The following COL4A6 variants were observed in gnomAD, a reference collection of about 807,000 sequenced individuals.
COL4A6 encodes collagen type IV alpha 6 chain, also known as collagen alpha-6(IV) chain.
COL4A6 carries 59 observed loss-of-function variants against 126.7 expected under a neutral mutation model. The ratio of observed to expected loss-of-function variants is 0.47; its 90% CI spans 0.38 to 0.58. The LOEUF is 0.58. COL4A6 is among the 20% of genes least tolerant of loss of function. The pLI, the probability that COL4A6 is intolerant of heterozygous loss-of-function variation, is 0.00. For missense variants in COL4A6, 1,285 were observed against 1,337.3 expected, an observed-to-expected ratio of 0.96 and a Z score of 0.61; for synonymous variants, 547 against 496.6, an observed-to-expected ratio of 1.10 and a Z score of -1.35.
At position 108,438,338 on chromosome X, in the gene COL4A6, A is replaced by C. The variant is rs2064312501; in HGVS notation, c.-142T>G. The stretch of plus-strand genomic sequence containing the variant: ...GGACGAAGTGGCCCAGTTTGGAAGA[A>C]ACTAAACACTGCTTCTAGATAAGAA... On this transcript the variant is annotated 5_prime_UTR_variant, in exon 1 of 45. Coordinates refer to ENST00000334504, the MANE Select transcript of COL4A6 (RefSeq NM_033641.4). 2.0e-5 allele frequency: 22 copies of C among 1,079,390 alleles called. No homozygotes were observed. Among genetic ancestry groups the C allele is most frequent in the Non-Finnish European group, 2.4e-5 (20 of 833,265 alleles). 89.0% of individuals were successfully genotyped at this position (1,079,390 alleles called of 1,213,427 possible).
rs771814133 is a variant in COL4A6 at position 108,206,511 on chromosome X, A to G, written c.609+7T>C. 1.7e-5 allele frequency: 21 copies of G among 1,206,801 alleles called. No homozygotes were observed. The Middle Eastern group carries it at 9.2e-4, about 53-fold the overall frequency. ...GTGATCACAAACTAGGCTTAAATTGATCTTACTTGTAATCCTGGTGGTCCT... is the reference window on the plus strand; with the variant it reads ...GTGATCACAAACTAGGCTTAAATTGGTCTTACTTGTAATCCTGGTGGTCCT... On this transcript the variant is annotated splice_region_variant and intron_variant, in intron 9 of 44. Coordinates refer to ENST00000334504, the MANE Select transcript of COL4A6 (RefSeq NM_033641.4).
chrX:108,223,781 G>A (rs1342653850), intron 3 of COL4A6, among the ~76,000 whole-genome samples: 2 of 111,535 alleles, frequency 1.8e-5, no homozygotes, highest in African/African-American at 3.3e-5. Context: ...CCTGAGGCTG[G>A]GACAAGGGAG....
At chrX:108,398,242 CT>C (rs1297686064) in intron 2 of COL4A6, among the ~76,000 whole-genome samples, 1 of 112,029 alleles carries the variant, frequency 8.9e-6, no homozygotes, top group African/African-American at 3.2e-5. Flanking sequence ...TTCTGAGTCA[CT>C]TTACTTTTGC....
At chrX:108,339,940 T>C (rs1251157478) in intron 2 of COL4A6, among the ~76,000 whole-genome samples, 2 of 111,313 alleles carry the variant, frequency 1.8e-5, no homozygotes, top group Non-Finnish European at 3.8e-5. Flanking sequence ...TTGCCCTGGA[T>C]AAACACCTTA....
At chrX:108,327,746 T>G (rs1307548591) in intron 2 of COL4A6, among the ~76,000 whole-genome samples, 3 of 109,934 alleles carry the variant, frequency 2.7e-5, no homozygotes, top group Non-Finnish European at 5.7e-5. Context: ...GCTTTCATGC[T>G]TGTACATACT....
At chrX:108,180,438 C>T (rs1348493381) in intron 25 of COL4A6, 77 bp downstream of exon 25, 2 of 882,528 alleles carry the variant, frequency 2.3e-6, no homozygotes, top group Non-Finnish European at 3.1e-6. Context: ...ACTACCACAA[C>T]CCAAATACAC....
intron 37 of COL4A6, among the ~76,000 whole-genome samples, chrX:108,169,089 G>A (rs1345081774): frequency 1.3e-4 from 14 of 111,076 alleles, no homozygotes; most frequent in Non-Finnish European, 9.4e-5. Context: ...GATCCTTCCC[G>A]CAGCCACACT....
chrX:108,157,084 C>T lies in COL4A6; in HGVS notation c.4989G>A (p.Gly1663=), dbSNP rs1367376420. 8.3e-7 allele frequency: 1 copy of T among 1,211,664 alleles called. No homozygotes were observed. Residue 1663 remains glycine, a synonymous_variant, in exon 45 of 45, where the codon GGG becomes GGA. Transcript: ENST00000334504. The part of the protein sequence containing the change: ...LTTVEERQQF[G]ELPVSETLKA... ...TCAGCGTTTCAGACACAGGCAACTC[C>T]CCAAACTGCTGCCTCTCCTCCACTG...
intron 3 of COL4A6, chrX:108,269,076 A>T: frequency 3.0e-6 from 1 of 338,333 alleles, no homozygotes; most frequent in Non-Finnish European, 5.7e-6. Flanking sequence ...TACCCCTTAG[A>T]ATCAAAAGAG....
At chrX:108,265,318 G>A (rs1259010813) in intron 3 of COL4A6, among the ~76,000 whole-genome samples, 1 of 110,580 alleles carries the variant, frequency 9.0e-6, no homozygotes, top group African/African-American at 3.3e-5. Context: ...CTAGTTGGAG[G>A]AGAGTGACAG....
chrX:108,286,006 T>A (rs1365876933), intron 3 of COL4A6, among the ~76,000 whole-genome samples: 2 of 111,962 alleles, frequency 1.8e-5, no homozygotes, highest in East Asian at 5.6e-4. Context: ...AATGTTTGTT[T>A]CAGCTGCAGG....
intron 2 of COL4A6, among the ~76,000 whole-genome samples, chrX:108,379,927 C>A: frequency 9.0e-6 from 1 of 111,403 alleles, no homozygotes; most frequent in Non-Finnish European, 1.9e-5. Context: ...TGTGTCTTCT[C>A]TCTTCATTAT....
At chrX:108,384,226 T>C (rs2040634167) in intron 2 of COL4A6, among the ~76,000 whole-genome samples, 1 of 111,692 alleles carries the variant, frequency 9.0e-6, no homozygotes, top group African/African-American at 3.3e-5. Context: ...CAGACATCTA[T>C]CTCCTCATTC....
intron 2 of COL4A6, among the ~76,000 whole-genome samples, chrX:108,431,572 G>T (rs1169618667): frequency 8.9e-6 from 1 of 111,783 alleles, no homozygotes; most frequent in Non-Finnish European, 1.9e-5. Context: ...AATTAAGTAT[G>T]GTTTAAGAAG....
intron 3 of COL4A6, among the ~76,000 whole-genome samples, chrX:108,235,010 A>G (rs2036399909): frequency 9.0e-6 from 1 of 111,536 alleles, no homozygotes; most frequent in Non-Finnish European, 1.9e-5. Flanking sequence ...CCTACCAATC[A>G]GCACTGAGAG....
intron 2 of COL4A6, among the ~76,000 whole-genome samples, chrX:108,417,764 C>T (rs929844101): frequency 8.9e-6 from 1 of 111,953 alleles, no homozygotes; most frequent in African/African-American, 3.2e-5. Context: ...GGCTTCTATA[C>T]CATACATGTA....
chrX:108,207,642 G>T (rs910353677), intron 8 of COL4A6, among the ~76,000 whole-genome samples: 1 of 111,473 alleles, frequency 9.0e-6, no homozygotes, highest in African/African-American at 3.3e-5. Flanking sequence ...TTTATAAAAG[G>T]ATGGTTGCAT....
At chrX:108,383,748 A>G in intron 2 of COL4A6, 1 of 520,833 alleles carries the variant, frequency 1.9e-6, no homozygotes, top group Non-Finnish European at 3.5e-6. Context: ...TGTCTGGAAA[A>G]AAGAAAGTGA....
intron 3 of COL4A6, among the ~76,000 whole-genome samples, chrX:108,253,555 C>T (rs1206415906): frequency 7.1e-5 from 8 of 111,980 alleles, no homozygotes; most frequent in East Asian, 5.7e-4. Flanking sequence ...GCAGGGACTA[C>T]GTCTTATTCA....
Sources: gnomAD v4.1 joint callset for allele counts (sites outside exome capture counted in the v4.1 genomes callset) on GRCh38, gnomAD v4.1.1 for gene constraint, MANE v1.5 for transcripts, NCBI Gene and HGNC (gene_info 2026-07-23, HGNC 2026-07-21) for gene names.